The following DAAM1 variants were observed in gnomAD, a reference collection of about 807,000 sequenced individuals.
The protein encoded by DAAM1 is disheveled-associated activator of morphogenesis 1.
Under a neutral mutation model 130.0 loss-of-function variants are expected in DAAM1, and 52 were observed. The ratio of observed to expected loss-of-function variants is 0.40; its 90% CI spans 0.32 to 0.50. The LOEUF (loss-of-function observed/expected upper bound fraction) is 0.50, where lower values mean the gene tolerates loss of function less well. Among genes scored for constraint, DAAM1 ranks in the 20% least tolerant of loss-of-function variants. The pLI is 0.61. For missense variants in DAAM1, 1,134 were observed against 1,303.8 expected, an observed-to-expected ratio of 0.87 and a Z score of 2.01; for synonymous variants, 452 against 444.5, an observed-to-expected ratio of 1.02 and a Z score of -0.21.
rs10145491 is a variant in DAAM1 at position 59,225,589 on chromosome 14, T to C, written c.-38+36821T>C. ...GTTTAGTACCACTTCTTCCATTAGC[T>C]GGTGAGGACACCTGAGGCTAGGTAC... On this transcript the variant is annotated intron_variant, in intron 1 of 24. Coordinates refer to ENST00000360909, the MANE Select transcript of DAAM1 (RefSeq NM_001270520.2). Among the ~76,000 whole-genome samples, 352 of 152,326 alleles carry C rather than the reference T, an allele frequency of 2.3e-3. 1 individual carries two copies. Among genetic ancestry groups the C allele is most frequent in the African/African-American group, 8.0e-3 (334 of 41,580 alleles).
chr14:59,202,001 A>G (rs1888119807), intron 1 of DAAM1, among the ~76,000 whole-genome samples: 1 of 152,232 alleles, frequency 6.6e-6, no homozygotes, highest in South Asian at 2.1e-4. Flanking sequence ...CTGTAGATGA[A>G]TCAATTTACA....
At chr14:59,216,326 G>A (rs1243645795) in intron 1 of DAAM1, among the ~76,000 whole-genome samples, 2 of 152,146 alleles carry the variant, frequency 1.3e-5, no homozygotes, top group East Asian at 3.8e-4. Flanking sequence ...GACTTTGAGT[G>A]TGTGTGTGTG....
chr14:59,300,158 TG>T (rs757754521), intron 3 of DAAM1: 20 of 152,222 alleles, frequency 1.3e-4, no homozygotes, highest in Non-Finnish European at 2.8e-4. Context: ...TTGTTTGCAA[TG>T]GGGGAAAATC....
At chr14:59,230,304 C>CT (rs34764413) in intron 1 of DAAM1, among the ~76,000 whole-genome samples, 7,007 of 142,300 alleles carry the variant, frequency 0.049, 538 homozygotes, top group African/African-American at 0.17. Context: ...TGCTTAGAGG[C>CT]TTTTTTTTTT....
chr14:59,363,504 T>C (rs1886792495), intron 22 of DAAM1, 147 bp from the exon 23 acceptor site: 1 of 1,164,750 alleles, frequency 8.6e-7, no homozygotes, highest in Non-Finnish European at 1.2e-6. Context: ...GCAGGGGCAC[T>C]AGAGTATAAC....
At chr14:59,216,927 T>G (rs937607736) in intron 1 of DAAM1, among the ~76,000 whole-genome samples, 1 of 152,042 alleles carries the variant, frequency 6.6e-6, no homozygotes, top group Non-Finnish European at 1.5e-5. Flanking sequence ...GTTTTTTTTT[T>G]TTTACTTGTT....
chr14:59,254,714 CA>C (rs1881795215), intron 1 of DAAM1, among the ~76,000 whole-genome samples: 1 of 152,168 alleles, frequency 6.6e-6, no homozygotes, highest in South Asian at 2.1e-4. Context: ...GTGAACAGCA[CA>C]AACTTCCTAA....
chr14:59,264,027 G>A (rs1882313416), intron 2 of DAAM1: 2 of 304,700 alleles, frequency 6.6e-6, no homozygotes, highest in Non-Finnish European at 6.4e-6. Flanking sequence ...ACACCTATTG[G>A]GATTCCCTAA....
intron 1 of DAAM1, among the ~76,000 whole-genome samples, chr14:59,212,973 T>A (rs2139413919): frequency 6.6e-6 from 1 of 152,228 alleles, no homozygotes; most frequent in South Asian, 2.1e-4. Flanking sequence ...TGTATATGTA[T>A]CAGACATTCA....
intron 3 of DAAM1, among the ~76,000 whole-genome samples, chr14:59,303,694 C>T (rs938737641): frequency 6.6e-6 from 1 of 151,934 alleles, no homozygotes; most frequent in Non-Finnish European, 1.5e-5. Context: ...GTCAGGAGTT[C>T]GAAACCAGCC....
chr14:59,355,024 T>C (rs2139674215), intron 19 of DAAM1, 141 bp from the exon 20 acceptor site: 1 of 1,162,974 alleles, frequency 8.6e-7, no homozygotes, highest in East Asian at 2.5e-5. Context: ...TTGAAAGTGC[T>C]CTTGGTAACC....
At chr14:59,300,949 TCTAGAATAGACAC>T (rs1288197991) in intron 3 of DAAM1, among the ~76,000 whole-genome samples, 1 of 152,224 alleles carries the variant, frequency 6.6e-6, no homozygotes, top group African/African-American at 2.4e-5. Flanking sequence ...CAAGAGTTTA[TCTAGAATAGACAC>T]CTAGACATGT....
intron 1 of DAAM1, among the ~76,000 whole-genome samples, chr14:59,247,391 C>T (rs946403886): frequency 2.6e-5 from 4 of 152,102 alleles, no homozygotes; most frequent in South Asian, 4.1e-4. Context: ...TTCCATATGC[C>T]TTCCTGGATG....
intron 4 of DAAM1, among the ~76,000 whole-genome samples, chr14:59,317,673 C>G (rs920026099): frequency 1.3e-5 from 2 of 152,180 alleles, no homozygotes; most frequent in African/African-American, 4.8e-5. Context: ...TGCGGTCCCA[C>G]CAGCATCCTA....
intron 1 of DAAM1, among the ~76,000 whole-genome samples, chr14:59,212,794 A>C (rs1888464867): frequency 6.6e-6 from 1 of 152,200 alleles, no homozygotes; most frequent in Non-Finnish European, 1.5e-5. Context: ...CATTTATTTC[A>C]GATGGAATAT....
At chr14:59,209,836 G>A (rs1179190871) in intron 1 of DAAM1, among the ~76,000 whole-genome samples, 1 of 152,110 alleles carries the variant, frequency 6.6e-6, no homozygotes. Flanking sequence ...TTTTGCAGGG[G>A]CCAGGCACAG....
At chr14:59,348,876 G>A (rs953027756) in intron 17 of DAAM1, among the ~76,000 whole-genome samples, 9 of 152,180 alleles carry the variant, frequency 5.9e-5, no homozygotes, top group African/African-American at 2.2e-4. Flanking sequence ...GGCTGGAATA[G>A]TCCTGGGGGA....
intron 3 of DAAM1, among the ~76,000 whole-genome samples, chr14:59,298,004 T>C (rs967256516): frequency 2.0e-5 from 3 of 152,160 alleles, no homozygotes; most frequent in Non-Finnish European, 4.4e-5. Context: ...GAAAAATAAT[T>C]GTGAGCTTGG....
chr14:59,207,197 C>T (rs563629022), intron 1 of DAAM1, among the ~76,000 whole-genome samples: 1 of 152,240 alleles, frequency 6.6e-6, no homozygotes, highest in Non-Finnish European at 1.5e-5. Flanking sequence ...GTGTATACAG[C>T]ACTTGTTAAT....
Sources: gnomAD v4.1 joint callset for allele counts (sites outside exome capture counted in the v4.1 genomes callset) on GRCh38, gnomAD v4.1.1 for gene constraint, MANE v1.5 for transcripts, NCBI Gene and HGNC (gene_info 2026-07-23, HGNC 2026-07-21) for gene names.